GRM7: variants seen among roughly 807,000 people sequenced by gnomAD.
GRM7 encodes the protein metabotropic glutamate receptor 7.
GRM7 carries 35 observed loss-of-function variants against 84.5 expected under a neutral mutation model. That is an observed-to-expected ratio of 0.41 (90% CI 0.32 to 0.55). The LOEUF (loss-of-function observed/expected upper bound fraction) is 0.55. GRM7 is among the 20% of genes least tolerant of loss of function. The pLI, the probability that GRM7 is intolerant of heterozygous loss-of-function variation, is 0.19. For missense variants in GRM7, 1,003 were observed against 1,194.6 expected, an observed-to-expected ratio of 0.84 and a Z score of 2.36; for synonymous variants, 487 against 455.1, an observed-to-expected ratio of 1.07 and a Z score of -0.89.
intron 4 of GRM7, among the ~76,000 whole-genome samples, chr3:7,352,057 C>CCACACACACACA (rs56873432): frequency 0.023 from 3,109 of 136,900 alleles, 69 homozygotes; most frequent in Admixed American, 0.034. Context: ...CACACACACA[C>CCACACACACACA]CACACACACA....
intron 2 of GRM7, among the ~76,000 whole-genome samples, chr3:7,147,245 A>G (rs1694139539): frequency 6.6e-6 from 1 of 152,188 alleles, no homozygotes; most frequent in Non-Finnish European, 1.5e-5. Context: ...ACGTTTGTTT[A>G]TTTAGCTCAG....
intron 5 of GRM7, among the ~76,000 whole-genome samples, chr3:7,450,903 C>T (rs527658906): frequency 1.3e-5 from 2 of 151,694 alleles, no homozygotes; most frequent in East Asian, 1.9e-4. Flanking sequence ...TCTGAATTTC[C>T]CTCTTGGAGG....
At chr3:7,137,025 C>T (rs979334484) in intron 1 of GRM7, among the ~76,000 whole-genome samples, 3 of 152,064 alleles carry the variant, frequency 2.0e-5, no homozygotes, top group Admixed American at 2.0e-4. Context: ...GCCTTGAGCA[C>T]CTTTTAGTGA....
chr3:7,444,889 G>C (rs928193506), intron 5 of GRM7, among the ~76,000 whole-genome samples: 3 of 152,150 alleles, frequency 2.0e-5, no homozygotes, highest in Non-Finnish European at 2.9e-5. Flanking sequence ...CTCCTTTGCT[G>C]TAATTCTTTT....
At chr3:7,305,894 T>C (rs1233168025) in intron 3 of GRM7, among the ~76,000 whole-genome samples, 1 of 152,176 alleles carries the variant, frequency 6.6e-6, no homozygotes, top group African/African-American at 2.4e-5. Flanking sequence ...AAAAGTACTA[T>C]TGCAATAACT....
At chr3:7,388,070 T>C (rs1694854483) in intron 4 of GRM7, among the ~76,000 whole-genome samples, 1 of 152,110 alleles carries the variant, frequency 6.6e-6, no homozygotes. Flanking sequence ...GGAATTGTGT[T>C]CTTGATGTCT....
chr3:7,304,439 G>A (rs990648389), intron 3 of GRM7, among the ~76,000 whole-genome samples: 1 of 149,358 alleles, frequency 6.7e-6, no homozygotes, highest in African/African-American at 2.5e-5. Flanking sequence ...ATTTCGTGAT[G>A]TGCTTGATTT....
At chr3:7,419,487 A>T (rs1238901798) in intron 5 of GRM7, among the ~76,000 whole-genome samples, 1 of 152,146 alleles carries the variant, frequency 6.6e-6, no homozygotes, top group African/African-American at 2.4e-5. Flanking sequence ...TCATATCCCA[A>T]CATTTGCTCA....
Position 7,093,676 on chromosome 3 carries a change from C to CAAAAAAAAAAAAAA in GRM7, c.520-52751_520-52738dup, listed in dbSNP as rs1209938099. Among the ~76,000 whole-genome samples the CAAAAAAAAAAAAAA allele has an allele frequency of 4.3e-4, 6 of 13,958 alleles. 1 individual carries two copies. The highest frequency in any genetic ancestry group is 8.2e-4 in the African/African-American group (3 of 3,658). 9.2% of individuals were successfully genotyped at this position (13,958 alleles called of 152,430 possible). On this transcript the variant is annotated intron_variant, in intron 1 of 9. Coordinates refer to ENST00000357716, the MANE Select transcript of GRM7 (RefSeq NM_000844.4). ...TGGGCGATAGAGCAAGACTCTGTCT[C>CAAAAAAAAAAAAAA]AAAAAAAAAAAAAAAAAAAAAAAAA...
At chr3:6,884,739 A>G (rs1330985408) in intron 1 of GRM7, among the ~76,000 whole-genome samples, 1 of 152,006 alleles carries the variant, frequency 6.6e-6, no homozygotes. Context: ...AGCTGGGATT[A>G]CAGACGCCCA....
intron 1 of GRM7, among the ~76,000 whole-genome samples, chr3:6,960,538 A>G (rs530382585): frequency 2.0e-5 from 3 of 152,294 alleles, no homozygotes; most frequent in Non-Finnish European, 4.4e-5. Context: ...GCATCCCAGG[A>G]TTTTAAATAC....
At chr3:7,238,078 T>C (rs1179032598) in intron 2 of GRM7, among the ~76,000 whole-genome samples, 1 of 152,142 alleles carries the variant, frequency 6.6e-6, no homozygotes, top group Non-Finnish European at 1.5e-5. Context: ...AAGGAATATA[T>C]TGCATGCACC....
intron 2 of GRM7, among the ~76,000 whole-genome samples, chr3:7,229,525 A>G (rs1697091839): frequency 6.6e-6 from 1 of 151,486 alleles, no homozygotes; most frequent in Non-Finnish European, 1.5e-5. Context: ...ATATGAAGAT[A>G]CTAGTGATTT....
chr3:7,716,284 G>C (rs1034399019), intron 9 of GRM7, among the ~76,000 whole-genome samples: 1 of 152,156 alleles, frequency 6.6e-6, no homozygotes, highest in Non-Finnish European at 1.5e-5. Context: ...CCTTTGGCCA[G>C]CAATTCCCCA....
intron 2 of GRM7, among the ~76,000 whole-genome samples, chr3:7,197,737 A>C (rs896662460): frequency 6.6e-6 from 1 of 151,954 alleles, no homozygotes; most frequent in Non-Finnish European, 1.5e-5. Flanking sequence ...AACAACTTCA[A>C]GTTTCTGGTG....
At chr3:7,243,302 T>C (rs1697630088) in intron 2 of GRM7, among the ~76,000 whole-genome samples, 1 of 152,114 alleles carries the variant, frequency 6.6e-6, no homozygotes, top group South Asian at 2.1e-4. Flanking sequence ...TATTACCTTA[T>C]ACAATATAGG....
At chr3:7,284,835 A>G (rs886938638) in intron 2 of GRM7, among the ~76,000 whole-genome samples, 1 of 152,108 alleles carries the variant, frequency 6.6e-6, no homozygotes, top group African/African-American at 2.4e-5. Context: ...AGTATTTTCA[A>G]TAATAATCAT....
At chr3:7,119,496 C>T (rs909727997) in intron 1 of GRM7, among the ~76,000 whole-genome samples, 2 of 152,100 alleles carry the variant, frequency 1.3e-5, no homozygotes, top group African/African-American at 2.4e-5. Flanking sequence ...GTGATAACAT[C>T]AGCAGAACAA....
At chr3:7,690,348 G>A (rs1295070801) in intron 9 of GRM7, among the ~76,000 whole-genome samples, 1 of 152,018 alleles carries the variant, frequency 6.6e-6, no homozygotes. Flanking sequence ...CTAGAACTCG[G>A]TAGATGCACG....
Sources: gnomAD v4.1 joint callset for allele counts (sites outside exome capture counted in the v4.1 genomes callset) on GRCh38, gnomAD v4.1.1 for gene constraint, MANE v1.5 for transcripts, NCBI Gene and HGNC (gene_info 2026-07-23, HGNC 2026-07-21) for gene names.